The following PDE10A variants were observed in gnomAD, a reference collection of about 807,000 sequenced individuals.
The protein encoded by PDE10A is phosphodiesterase 10A.
A neutral mutation model predicts 97.7 loss-of-function variants in PDE10A; 39 were observed. The ratio of observed to expected loss-of-function variants is 0.40; its 90% CI spans 0.31 to 0.52. The LOEUF (loss-of-function observed/expected upper bound fraction) is 0.52. Ranked by LOEUF, PDE10A falls within the 20% of genes least tolerant of loss-of-function variation. The pLI is 0.56. For synonymous variants in PDE10A, 371 were observed against 376.8 expected (o/e 0.98, Z 0.18); for missense variants, 731 against 1,047.8 (o/e 0.70, Z 4.17).
chr6:165,367,273 G>A (rs935580295), intron 18 of PDE10A, among the ~76,000 whole-genome samples: 21 of 151,580 alleles, frequency 1.4e-4, no homozygotes, highest in Non-Finnish European at 1.5e-5. Flanking sequence ...GCGTGCATCT[G>A]TGTGTATTTT....
In PDE10A at chr6:165,868,012, T is replaced by C. The variant is rs191691168; in HGVS notation, c.-615+119517A>G. ...AAACAGAATATTTCAAAACCTATGG[T>C]ATACAGCAAAAGGAGTGCTAAGAGG... On this transcript the variant is annotated intron_variant, in intron 1 of 19. Transcript: ENST00000366882. Among the ~76,000 whole-genome samples the C allele has an allele frequency of 2.0e-4, 31 of 152,098 alleles. No homozygotes were observed. In the East Asian group the frequency reaches 5.0e-3, roughly 25 times the overall value.
intron 1 of PDE10A, among the ~76,000 whole-genome samples, chr6:165,620,875 G>A (rs942997188): frequency 1.9e-4 from 29 of 152,058 alleles, no homozygotes; most frequent in Admixed American, 1.8e-3. Flanking sequence ...ACTAAAGTTA[G>A]CTGGGTATGA....
intron 1 of PDE10A, among the ~76,000 whole-genome samples, chr6:165,825,794 T>C (rs533469736): frequency 1.3e-5 from 2 of 152,278 alleles, no homozygotes; most frequent in African/African-American, 4.8e-5. Flanking sequence ...CCACGGCCTA[T>C]GTGAATCCTC....
At position 165,662,135 on chromosome 6, in the gene PDE10A, CG is replaced by C; in HGVS notation, c.676del (p.Arg226AlafsTer56). On this transcript the variant is annotated frameshift_variant, in exon 1 of 22. Transcript: ENST00000539869. LOFTEE classifies it high-confidence loss of function. Reference sequence around the variant, plus strand: ...GGGGAAGCCGGGGGAGCCCGCGCGGCGGGCGGCCTGGCCAAGGGGGAGCCGG... The same window carrying C: ...GGGGAAGCCGGGGGAGCCCGCGCGGCGGCGGCCTGGCCAAGGGGGAGCCGG... ...PPRLPLGQAARRAGSPGFPGA... is the reference protein window; with the variant it reads ...PPRLPLGQAAXRAGSPGFPGA... 1.2e-6 allele frequency: 1 copy of C among 822,260 alleles called. No homozygotes were observed. Among genetic ancestry groups the C allele is most frequent in the Non-Finnish European group, 1.5e-6 (1 of 679,026 alleles). The allele number at this position is 822,260 out of a possible 1,614,324, so 50.9% of individuals were successfully genotyped here.
intron 1 of PDE10A, among the ~76,000 whole-genome samples, chr6:165,877,713 C>G (rs1781380490): frequency 6.6e-6 from 1 of 151,846 alleles, no homozygotes; most frequent in Admixed American, 6.6e-5. Context: ...GAAAACCTGC[C>G]TACTCTACCT....
At chr6:165,532,494 G>A (rs1462895783) in intron 2 of PDE10A, among the ~76,000 whole-genome samples, 1 of 152,032 alleles carries the variant, frequency 6.6e-6, no homozygotes, top group African/African-American at 2.4e-5. Context: ...ATAAGTGCAT[G>A]TAGTTAGAGT....
intron 18 of PDE10A, among the ~76,000 whole-genome samples, chr6:165,378,334 A>G (rs1306623626): frequency 6.6e-6 from 1 of 152,180 alleles, no homozygotes; most frequent in East Asian, 1.9e-4. Flanking sequence ...CAAGAGTGGC[A>G]AAGAAGCAGT....
chr6:165,348,904 T>C (rs904589409), intron 18 of PDE10A, among the ~76,000 whole-genome samples: 1 of 152,172 alleles, frequency 6.6e-6, no homozygotes, highest in Admixed American at 6.5e-5. Flanking sequence ...AAGGATGTGT[T>C]AGCTTCCCCG....
intron 1 of PDE10A, among the ~76,000 whole-genome samples, chr6:165,765,896 T>G (rs1187304016): frequency 6.6e-6 from 1 of 152,238 alleles, no homozygotes; most frequent in Non-Finnish European, 1.5e-5. Flanking sequence ...TCATATTCCA[T>G]CGCAATTACT....
At chr6:165,687,324 A>G (rs73788725) in intron 1 of PDE10A, among the ~76,000 whole-genome samples, 197 of 152,362 alleles carry the variant, frequency 1.3e-3, no homozygotes, top group African/African-American at 4.4e-3. Flanking sequence ...AATCAATGTT[A>G]TCAAAGGGAA....
Position 165,332,983 on chromosome 6 carries a change from T to C in PDE10A, c.*42A>G. 1.1e-6 allele frequency: 1 copy of C among 907,872 alleles called. No individual in the cohort carries two copies. The highest frequency in any genetic ancestry group is 1.7e-6 in the Non-Finnish European group (1 of 584,602). 56.2% of individuals were successfully genotyped at this position (907,872 alleles called of 1,614,324 possible). ...GGAAAAGAATGTCAAAGAAGCAAGA[T>C]GAGGATCTGTAGGTGGGACAGCGTG... On this transcript the variant is annotated 3_prime_UTR_variant, in exon 22 of 22. Coordinates refer to ENST00000539869, the MANE Select transcript of PDE10A (RefSeq NM_001385079.1).
intron 1 of PDE10A, among the ~76,000 whole-genome samples, chr6:165,790,959 C>G (rs1778632635): frequency 6.6e-6 from 1 of 152,152 alleles, no homozygotes; most frequent in Non-Finnish European, 1.5e-5. Flanking sequence ...GGAGCTTACT[C>G]TTGCATAACT....
At chr6:165,679,405 A>G (rs1332289271) in intron 1 of PDE10A, among the ~76,000 whole-genome samples, 4 of 152,204 alleles carry the variant, frequency 2.6e-5, no homozygotes, top group Non-Finnish European at 5.9e-5. Context: ...ACTTCCTGCC[A>G]AGCCCAGAGA....
intron 1 of PDE10A, among the ~76,000 whole-genome samples, chr6:165,733,902 T>C (rs1200332884): frequency 6.6e-6 from 1 of 151,992 alleles, no homozygotes; most frequent in Admixed American, 6.5e-5. Context: ...TTTTGGTCAA[T>C]ATCAGCACCT....
At chr6:165,872,102 C>T (rs532638761) in intron 1 of PDE10A, among the ~76,000 whole-genome samples, 9 of 152,238 alleles carry the variant, frequency 5.9e-5, no homozygotes, top group African/African-American at 2.2e-4. Context: ...TGAGGGTGGC[C>T]ACAGAGCCAG....
chr6:165,343,060 T>G (rs916193959), intron 19 of PDE10A, among the ~76,000 whole-genome samples: 7 of 152,220 alleles, frequency 4.6e-5, no homozygotes, highest in Non-Finnish European at 5.9e-5. Flanking sequence ...CTTTGTCCAG[T>G]GCCTATCTAA....
intron 1 of PDE10A, among the ~76,000 whole-genome samples, chr6:165,564,030 T>C (rs966815138): frequency 6.6e-6 from 1 of 152,214 alleles, no homozygotes; most frequent in Non-Finnish European, 1.5e-5. Flanking sequence ...GAGAATAAAC[T>C]ATTATTTGTG....
intron 1 of PDE10A, among the ~76,000 whole-genome samples, chr6:165,545,845 A>C (rs1783712866): frequency 6.6e-6 from 1 of 152,068 alleles, no homozygotes. Flanking sequence ...ACTTTGAAAG[A>C]CTGTTTGGCA....
chr6:165,685,406 T>C (rs1043829928), intron 1 of PDE10A, among the ~76,000 whole-genome samples: 1 of 151,968 alleles, frequency 6.6e-6, no homozygotes. Flanking sequence ...TGTGTGTGTG[T>C]GTTTGGTGGT....
Sources: allele counts gnomAD v4.1 joint callset (sites outside exome capture counted in the v4.1 genomes callset), GRCh38; gene constraint gnomAD v4.1.1; transcripts MANE v1.5; gene names NCBI Gene and HGNC (gene_info 2026-07-23, HGNC 2026-07-21).